MAST2: variants seen among roughly 807,000 people sequenced by gnomAD.
MAST2 encodes microtubule-associated serine/threonine-protein kinase 2.
A neutral mutation model predicts 147.4 loss-of-function variants in MAST2; 70 were observed. The ratio of observed to expected loss-of-function variants is 0.47; its 90% confidence interval spans 0.39 to 0.58. MAST2 has a LOEUF of 0.58. Among genes scored for constraint, MAST2 ranks in the 20% least tolerant of loss-of-function variants. The probability of loss-of-function intolerance (pLI) is 0.00; values close to 1 mark genes in which losing one functional copy is unlikely to be tolerated. For synonymous variants in MAST2, 869 were observed against 896.8 expected, an observed-to-expected ratio of 0.97 and a Z score of 0.55; for missense variants, 2,080 against 2,302.3, an observed-to-expected ratio of 0.90 and a Z score of 1.98.
intron 4 of MAST2, among the ~76,000 whole-genome samples, chr1:45,911,914 C>T (rs959256338): frequency 2.7e-5 from 4 of 146,308 alleles, no homozygotes; most frequent in African/African-American, 5.0e-5. Context: ...AGCCTGGTCT[C>T]GGGTATTAGA....
chr1:45,832,430 G>C (rs1644986653), intron 3 of MAST2, among the ~76,000 whole-genome samples: 1 of 151,884 alleles, frequency 6.6e-6, no homozygotes, highest in South Asian at 2.1e-4. Context: ...GAGTAGCTGG[G>C]ATTACAGATG....
At chr1:45,819,511 G>C (rs1044497868) in intron 1 of MAST2, among the ~76,000 whole-genome samples, 1 of 152,122 alleles carries the variant, frequency 6.6e-6, no homozygotes, top group Non-Finnish European at 1.5e-5. Context: ...TAGTAAAGTT[G>C]CAGGATCCAA....
At position 45,998,037 on chromosome 1, in the gene MAST2, T is replaced by C. The variant is rs144926795; in HGVS notation, c.668+238T>C. Among the ~76,000 whole-genome samples, 50 of 152,332 alleles carry C rather than the reference T, an allele frequency of 3.3e-4. No individual in the cohort carries two copies. The East Asian group carries it at 8.7e-3, about 26-fold the overall frequency. On this transcript the variant is annotated intron_variant, in intron 6 of 28. Coordinates refer to ENST00000361297, the MANE Select transcript of MAST2 (RefSeq NM_015112.3). ...GAATGTTTAAACAGGAGAGTAGATA[T>C]TAAGTAAAAGTAGATTTATTTGTAT...
chr1:45,829,873 CT>C (rs1017926274), intron 3 of MAST2, among the ~76,000 whole-genome samples: 69 of 140,904 alleles, frequency 4.9e-4, no homozygotes, highest in Non-Finnish European at 5.9e-4. Flanking sequence ...TTTTTTTTTT[CT>C]TTTTTTTTTT....
chr1:46,016,953 C>A (rs1248191720), intron 10 of MAST2, among the ~76,000 whole-genome samples: 2 of 151,816 alleles, frequency 1.3e-5, no homozygotes, highest in Admixed American at 6.6e-5. Flanking sequence ...ACCAAAACAG[C>A]ATGGTACTGG....
Position 46,032,859 on chromosome 1 carries a change from G to C in MAST2, c.3537+141G>C, listed in dbSNP as rs924874836. 13 of 1,152,852 alleles carry C rather than the reference G, an allele frequency of 1.1e-5. No individual in the cohort carries two copies. In the African/African-American group the frequency reaches 2.0e-4, roughly 18 times the overall value. 71.4% of individuals were successfully genotyped at this position (1,152,852 alleles called of 1,614,324 possible). On this transcript the variant is annotated intron_variant, in intron 26 of 28. Coordinates refer to ENST00000361297, the MANE Select transcript of MAST2 (RefSeq NM_015112.3). ...TGTAGGTACACACAGGCCGGGCGCG[G>C]TGGCTCATGCCTGTAAATCCCAACA... is the stretch of plus-strand genomic sequence containing the variant.
intron 10 of MAST2, among the ~76,000 whole-genome samples, chr1:46,016,727 C>T (rs1233377269): frequency 2.0e-5 from 3 of 152,150 alleles, no homozygotes; most frequent in East Asian, 1.9e-4. Flanking sequence ...GAATCAATAT[C>T]GTGAAAATGG....
intron 4 of MAST2, among the ~76,000 whole-genome samples, chr1:45,909,560 G>A (rs1482686377): frequency 1.3e-5 from 2 of 149,172 alleles, no homozygotes; most frequent in African/African-American, 2.5e-5. Flanking sequence ...TGGCTCTGTC[G>A]CCAGGCTGGA....
chr1:45,931,971 G>A (rs772945208), intron 4 of MAST2, among the ~76,000 whole-genome samples: 16 of 152,194 alleles, frequency 1.1e-4, no homozygotes, highest in Non-Finnish European at 1.5e-4. Flanking sequence ...GATTACAGGC[G>A]TGAGCTACTG....
intron 5 of MAST2, among the ~76,000 whole-genome samples, chr1:45,990,455 G>GGTTTT (rs966190715): frequency 3.9e-5 from 6 of 151,902 alleles, no homozygotes; most frequent in Non-Finnish European, 7.4e-5. Flanking sequence ...GTGGGTTTTT[G>GGTTTT]GTTTTGTTTT....
In MAST2 at chr1:45,924,483, G is replaced by A. The variant is rs535382198; in HGVS notation, c.501-34903G>A. 2.0e-5 allele frequency among the ~76,000 whole-genome samples: 3 copies of A among 152,254 alleles called. No homozygotes were observed. The South Asian group carries it at 6.2e-4, about 32-fold the overall frequency. On this transcript the variant is annotated intron_variant, in intron 4 of 28. Transcript: ENST00000361297. ...TTGACTCTGAGTTCCAGAAGAGAGG[G>A]AACTAGGAGGGGGGACTTCCAGGGG...
At chr1:45,863,025 T>A (rs1021490917) in intron 3 of MAST2, among the ~76,000 whole-genome samples, 1 of 152,198 alleles carries the variant, frequency 6.6e-6, no homozygotes, top group Non-Finnish European at 1.5e-5. Context: ...AGAATAGGAT[T>A]ATTAGTTTAT....
intron 1 of MAST2, among the ~76,000 whole-genome samples, chr1:45,812,425 C>CTTTTT (rs35095652): frequency 2.5e-5 from 3 of 121,678 alleles, no homozygotes; most frequent in Non-Finnish European, 3.4e-5. Flanking sequence ...ATCTGTAAGC[C>CTTTTT]TTTTTTTTTT....
chr1:45,978,503 G>A (rs1571035796), intron 5 of MAST2, among the ~76,000 whole-genome samples: 1 of 152,114 alleles, frequency 6.6e-6, no homozygotes, highest in African/African-American at 2.4e-5. Flanking sequence ...GCAACAGAGC[G>A]AGACTCTGTC....
At chr1:45,953,994 G>A (rs1483544421) in intron 4 of MAST2, among the ~76,000 whole-genome samples, 1 of 152,054 alleles carries the variant, frequency 6.6e-6, no homozygotes, top group Non-Finnish European at 1.5e-5. Flanking sequence ...AAATATTATA[G>A]CATCTGGAAG....
chr1:45,860,246 T>G (rs1000830892), intron 3 of MAST2, among the ~76,000 whole-genome samples: 3 of 148,184 alleles, frequency 2.0e-5, no homozygotes, highest in Admixed American at 1.3e-4. Context: ...TAGCCAGGAG[T>G]GGTGGCGGGC....
At chr1:45,931,019 C>T (rs139794774) in intron 4 of MAST2, among the ~76,000 whole-genome samples, 1 of 152,288 alleles carries the variant, frequency 6.6e-6, no homozygotes, top group Non-Finnish European at 1.5e-5. Flanking sequence ...CCTACAGAGA[C>T]ATTTTCATAA....
intron 5 of MAST2, among the ~76,000 whole-genome samples, chr1:45,994,142 G>C (rs1644956982): frequency 6.6e-6 from 1 of 152,056 alleles, no homozygotes; most frequent in African/African-American, 2.4e-5. Context: ...TGTCCAGAGT[G>C]AGGTTTTATT....
rs192005430 is a variant in MAST2 at position 46,004,899 on chromosome 1, C to A, written c.748-1342C>A. 2.0e-5 allele frequency among the ~76,000 whole-genome samples: 3 copies of A among 152,168 alleles called. No individual in the cohort carries two copies. In the East Asian group the frequency reaches 5.8e-4, roughly 29 times the overall value. ...ACCAGCCTGGACAACACAGCAAGAC[C>A]CTGTCACTTAAAAAAAAAATAGCTG... On this transcript the variant is annotated intron_variant, in intron 7 of 28. Transcript: ENST00000361297.
Sources: gnomAD v4.1 joint callset for allele counts (sites outside exome capture counted in the v4.1 genomes callset) on GRCh38, gnomAD v4.1.1 for gene constraint, MANE v1.5 for transcripts, NCBI Gene and HGNC (gene_info 2026-07-23, HGNC 2026-07-21) for gene names.